PRKCE: variants seen among roughly 807,000 people sequenced by gnomAD.
PRKCE encodes protein kinase C epsilon type.
A neutral mutation model predicts 85.4 loss-of-function variants in PRKCE; 16 were observed. The observed-to-expected ratio is 0.19, with a 90% CI of 0.13 to 0.28. The LOEUF (loss-of-function observed/expected upper bound fraction) is 0.28, where lower values mean the gene tolerates loss of function less well. PRKCE is among the 10% of genes least tolerant of loss of function. The pLI is 1.00. For synonymous variants in PRKCE, 388 were observed against 371.5 expected, an observed-to-expected ratio of 1.04 and a Z score of -0.51; for missense variants, 573 against 975.2, an observed-to-expected ratio of 0.59 and a Z score of 5.49.
intron 1 of PRKCE, among the ~76,000 whole-genome samples, chr2:45,752,740 T>G (rs1013654630): frequency 6.6e-6 from 1 of 152,152 alleles, no homozygotes; most frequent in Non-Finnish European, 1.5e-5. Context: ...AGGCAGGCAG[T>G]CAGGTCACCC....
intron 11 of PRKCE, among the ~76,000 whole-genome samples, chr2:46,136,164 G>A (rs929461282): frequency 2.6e-5 from 4 of 152,084 alleles, no homozygotes; most frequent in Admixed American, 2.6e-4. Flanking sequence ...TGTTATTTCT[G>A]CAGCACTCAG....
chr2:45,832,403 C>G (rs1379562495), intron 1 of PRKCE, among the ~76,000 whole-genome samples: 2 of 151,550 alleles, frequency 1.3e-5, no homozygotes, highest in Non-Finnish European at 2.9e-5. Context: ...ACCTCCGGCT[C>G]TTGGGTTCAA....
intron 11 of PRKCE, among the ~76,000 whole-genome samples, chr2:46,096,110 C>T (rs1179861440): frequency 6.6e-6 from 1 of 152,194 alleles, no homozygotes; most frequent in Non-Finnish European, 1.5e-5. Flanking sequence ...ATGTTGGAGA[C>T]AGCACAGAGT....
At chr2:46,059,624 A>T (rs1332854445) in intron 10 of PRKCE, among the ~76,000 whole-genome samples, 1 of 152,150 alleles carries the variant, frequency 6.6e-6, no homozygotes, top group Non-Finnish European at 1.5e-5. Flanking sequence ...TTATTATTTT[A>T]GTTATTGCCT....
Position 45,751,544 on chromosome 2 carries a change from C to A in PRKCE, c.349-91456C>A, listed in dbSNP as rs1229189176. Among the ~76,000 whole-genome samples, 4 of 152,012 alleles carry A rather than the reference C, an allele frequency of 2.6e-5. No individual in the cohort carries two copies. The East Asian group carries it at 7.7e-4, about 29-fold the overall frequency. ...GTTCCTATGTATAACTCTTGTTTCTCTAATCAGGTCAAAAAAGTCAAGTCT... is the reference window on the plus strand; with the variant it reads ...GTTCCTATGTATAACTCTTGTTTCTATAATCAGGTCAAAAAAGTCAAGTCT... On this transcript the variant is annotated intron_variant, in intron 1 of 14. Transcript: ENST00000306156.
chr2:45,949,044 C>A (rs554428212), intron 2 of PRKCE, among the ~76,000 whole-genome samples: 93 of 152,336 alleles, frequency 6.1e-4, no homozygotes, highest in African/African-American at 1.9e-3. Context: ...TTTATGACCA[C>A]AAACAGTGTT....
intron 1 of PRKCE, among the ~76,000 whole-genome samples, chr2:45,713,045 A>G (rs778260850): frequency 3.3e-5 from 5 of 152,174 alleles, no homozygotes; most frequent in Non-Finnish European, 7.3e-5. Flanking sequence ...TTGTGTTTTC[A>G]TCTTGGTCCC....
intron 11 of PRKCE, among the ~76,000 whole-genome samples, chr2:46,129,310 G>A (rs1379705035): frequency 6.6e-6 from 1 of 152,158 alleles, no homozygotes; most frequent in African/African-American, 2.4e-5. Context: ...GGAAGGTGGG[G>A]GCCCATGGCA....
intron 2 of PRKCE, among the ~76,000 whole-genome samples, chr2:45,888,348 T>G (rs1268366479): frequency 6.6e-6 from 1 of 152,186 alleles, no homozygotes; most frequent in Non-Finnish European, 1.5e-5. Flanking sequence ...ACTATGCTAA[T>G]GTTTGTTGTG....
rs190358436 is a variant in PRKCE, at chr2:45,848,232, C to T, written c.412+5169C>T. ...TTTACCTCTTTTCTTCTAAATTCTACGTTAATAATCCAATGTCTTCTAGTT... is the reference window on the plus strand; with the variant it reads ...TTTACCTCTTTTCTTCTAAATTCTATGTTAATAATCCAATGTCTTCTAGTT... On this transcript the variant is annotated intron_variant, in intron 2 of 14. Transcript: ENST00000306156. Among the ~76,000 whole-genome samples the T allele has an allele frequency of 3.9e-4, 59 of 152,274 alleles. 1 individual carries two copies. The highest frequency in any genetic ancestry group is 1.2e-3 in the South Asian group (6 of 4,826).
At chr2:45,800,601 G>A (rs553328853) in intron 1 of PRKCE, among the ~76,000 whole-genome samples, 1 of 152,346 alleles carries the variant, frequency 6.6e-6, no homozygotes, top group African/African-American at 2.4e-5. Flanking sequence ...TGGAGAGAAG[G>A]ACAAGGGAGA....
At chr2:45,658,223 C>G (rs532340803) in intron 1 of PRKCE, among the ~76,000 whole-genome samples, 52 of 152,270 alleles carry the variant, frequency 3.4e-4, no homozygotes, top group African/African-American at 1.2e-3. Context: ...TTCCCCTACT[C>G]CCATAATACC....
intron 11 of PRKCE, among the ~76,000 whole-genome samples, chr2:46,110,473 G>A (rs531671835): frequency 6.6e-6 from 1 of 152,246 alleles, no homozygotes; most frequent in Admixed American, 6.5e-5. Flanking sequence ...CAAATTTGTG[G>A]GCATAAAGTT....
chr2:46,046,089 A>G (rs879722475), intron 10 of PRKCE, among the ~76,000 whole-genome samples: 6 of 152,158 alleles, frequency 3.9e-5, no homozygotes, highest in Non-Finnish European at 5.9e-5. Context: ...GGTAAATGAA[A>G]TAACTCCCTT....
chr2:45,811,920 C>T (rs1413330953), intron 1 of PRKCE, among the ~76,000 whole-genome samples: 1 of 152,194 alleles, frequency 6.6e-6, no homozygotes, highest in Non-Finnish European at 1.5e-5. Flanking sequence ...CACACAGACA[C>T]ACACACCCCT....
Position 45,667,595 on chromosome 2 carries a change from A to T in PRKCE, c.348+15147A>T, listed in dbSNP as rs1360059199. Among the ~76,000 whole-genome samples the T allele has an allele frequency of 2.0e-5, 3 of 152,192 alleles. No individual in the cohort carries two copies. The East Asian group carries it at 5.8e-4, about 29-fold the overall frequency. The stretch of plus-strand genomic sequence containing the variant: ...AAATTGCATGCACGCACACACCTGT[A>T]TGAACTTTAAAAAAGGAAAAGGCCA... On this transcript the variant is annotated intron_variant, in intron 1 of 14. Transcript: ENST00000306156.
At chr2:45,836,053 T>C (rs1042758771) in intron 1 of PRKCE, among the ~76,000 whole-genome samples, 1 of 152,230 alleles carries the variant, frequency 6.6e-6, no homozygotes, top group African/African-American at 2.4e-5. Context: ...GCTTCCCCAG[T>C]AAATCATCTC....
intron 1 of PRKCE, among the ~76,000 whole-genome samples, chr2:45,693,056 C>T (rs918199622): frequency 1.3e-5 from 2 of 151,960 alleles, no homozygotes; most frequent in African/African-American, 4.8e-5. Context: ...CTCAGGAGGC[C>T]TGAACTTGGA....
At chr2:45,670,840 A>T (rs1676125503) in intron 1 of PRKCE, among the ~76,000 whole-genome samples, 1 of 152,260 alleles carries the variant, frequency 6.6e-6, no homozygotes, top group African/African-American at 2.4e-5. Flanking sequence ...ACTACTCCTT[A>T]GTAAACAAGT....
Sources: allele counts gnomAD v4.1 joint callset (sites outside exome capture counted in the v4.1 genomes callset), GRCh38; gene constraint gnomAD v4.1.1; transcripts MANE v1.5; gene names NCBI Gene and HGNC (gene_info 2026-07-23, HGNC 2026-07-21).